The following RPL32 variants were observed in gnomAD, a reference collection of about 807,000 sequenced individuals.
The protein encoded by RPL32 is ribosomal protein L32, also known as large ribosomal subunit protein eL32.
For missense variants in RPL32, 117 were observed against 173.7 expected, an observed-to-expected ratio of 0.67 and a Z score of 1.83; for synonymous variants, 61 against 62.6, an observed-to-expected ratio of 0.98 and a Z score of 0.12.
chr3:12,837,220 T>C (rs1176072127), intron 3 of RPL32, among the ~76,000 whole-genome samples: 2 of 152,234 alleles, frequency 1.3e-5, no homozygotes, highest in African/African-American at 4.8e-5. Flanking sequence ...TTGGGCATTT[T>C]CCACACTACA....
intron 1 of RPL32, 149 bp from the exon 2 acceptor site, chr3:12,840,391 C>T (rs757538413): frequency 1.3e-5 from 10 of 756,478 alleles, no homozygotes; most frequent in African/African-American, 1.7e-5. Flanking sequence ...GGCTTGCTTT[C>T]CCTCCCTTTC....
At chr3:12,836,968 G>T (rs1400623238) in intron 3 of RPL32, among the ~76,000 whole-genome samples, 4 of 152,242 alleles carry the variant, frequency 2.6e-5, no homozygotes, top group Non-Finnish European at 4.4e-5. Context: ...TGGACACACA[G>T]CTCTTTTCAA....
intron 1 of RPL32, chr3:12,840,791 G>C (rs1448411904): frequency 7.5e-6 from 2 of 267,928 alleles, no homozygotes; most frequent in African/African-American, 4.4e-5. Context: ...CCTCAAACCT[G>C]GAGATCTTCC....
At position 12,836,083 on chromosome 3, in the gene RPL32, A is replaced by C; in HGVS notation, c.*11T>G. ...ACATTTATTTAAACAGAAAACGTGCACATGAGCTGCCTACTCATTTTCTTC... is the reference window on the plus strand; with the variant it reads ...ACATTTATTTAAACAGAAAACGTGCCCATGAGCTGCCTACTCATTTTCTTC... On this transcript the variant is annotated 3_prime_UTR_variant, in exon 4 of 4. Transcript: ENST00000429711. 6.2e-7 allele frequency: 1 copy of C among 1,610,990 alleles called. No homozygotes were observed. The highest frequency in any genetic ancestry group is 1.1e-5 in the South Asian group (1 of 91,032).
intron 3 of RPL32, 144 bp downstream of exon 3, chr3:12,839,205 C>G (rs1444766387): frequency 2.7e-6 from 2 of 727,914 alleles, no homozygotes; most frequent in Non-Finnish European, 4.7e-6. Flanking sequence ...TAAAATCCTG[C>G]AAGGAACAAC....
chr3:12,839,596 G>C, intron 2 of RPL32, 66 bp from the exon 3 acceptor site: 1 of 1,459,302 alleles, frequency 6.9e-7, no homozygotes, highest in South Asian at 1.1e-5. Flanking sequence ...TTTTGGGGAG[G>C]GAAAAAAAGG....
At position 12,834,999 on chromosome 3, in the gene RPL32, G is replaced by A. The variant is rs900671683; in HGVS notation, c.*1095C>T. On this transcript the variant is annotated 3_prime_UTR_variant, in exon 4 of 4. Transcript: ENST00000429711. ...CTAGGTTTTGAACAGGAGACAATCTGTAAGATTCCTGTCTAGACTAGAAGT... is the reference window on the plus strand; with the variant it reads ...CTAGGTTTTGAACAGGAGACAATCTATAAGATTCCTGTCTAGACTAGAAGT... 2 of 152,170 alleles carry A rather than the reference G, an allele frequency of 1.3e-5. No individual in the cohort carries two copies. Among genetic ancestry groups the A allele is most frequent in the African/African-American group, 4.8e-5 (2 of 41,434 alleles). 9.4% of individuals were successfully genotyped at this position (152,170 alleles called of 1,614,324 possible). A position where few individuals can be genotyped will look rare whatever the true frequency, so the allele number is the denominator to read the frequency against.
chr3:12,835,981 ATC>A lies in RPL32; in HGVS notation c.*111_*112del, dbSNP rs1292475779. On this transcript the variant is annotated 3_prime_UTR_variant, in exon 4 of 4. Transcript: ENST00000429711. ...CCAAAGGGGCTTAAGCAAAAGAACA[ATC>A]TCTGTGGCAAACTAAGTTGGCCAAG... The A allele has an allele frequency of 2.3e-6, 3 of 1,320,242 alleles. No homozygotes were observed. The highest frequency in any genetic ancestry group is 2.9e-5 in the African/African-American group (2 of 69,094). The allele number at this position is 1,320,242 out of a possible 1,614,324, so 81.8% of individuals were successfully genotyped here. A position where few individuals can be genotyped will look rare whatever the true frequency, so the allele number is the denominator to read the frequency against.
rs773408400 is a variant in RPL32 at position 12,840,240 on chromosome 3, T to C, written c.-3A>G. On this transcript the variant is annotated splice_region_variant and 5_prime_UTR_variant, in exon 2 of 4. Coordinates refer to ENST00000429711, the MANE Select transcript of RPL32 (RefSeq NM_000994.4). ...ACAAGGGGTCTGAGGGCGGCCATGA[T>C]GCCTTTTGGGGAAGAAGCGGCCCCA... The C allele has an allele frequency of 1.2e-6, 2 of 1,613,054 alleles. No homozygotes were observed. The highest frequency in any genetic ancestry group is 1.7e-6 in the Non-Finnish European group (2 of 1,179,180).
At chr3:12,839,551 G>C (rs764203795) in intron 2 of RPL32, 21 bp from the exon 3 acceptor site, 10 of 1,612,354 alleles carry the variant, frequency 6.2e-6, no homozygotes, top group Non-Finnish European at 6.8e-6. Context: ...TAATACACAG[G>C]TGGGTTAGCG....
At chr3:12,840,007 G>T in intron 2 of RPL32, 135 bp downstream of exon 2, 1 of 764,096 alleles carries the variant, frequency 1.3e-6, no homozygotes. Context: ...CACACTGGGG[G>T]AGACCTGTAT....
At chr3:12,837,770 T>G (rs2062110586) in intron 3 of RPL32, among the ~76,000 whole-genome samples, 1 of 152,256 alleles carries the variant, frequency 6.6e-6, no homozygotes. Flanking sequence ...CCATGTTCTT[T>G]CTAGTTTACT....
At chr3:12,837,687 T>A (rs2062110140) in intron 3 of RPL32, among the ~76,000 whole-genome samples, 1 of 152,264 alleles carries the variant, frequency 6.6e-6, no homozygotes, top group Admixed American at 6.5e-5. Flanking sequence ...TTATTACTTG[T>A]ATCTACAACC....
In RPL32 at chr3:12,835,920, G is replaced by A. The variant is rs2062095692; in HGVS notation, c.*174C>T. On this transcript the variant is annotated 3_prime_UTR_variant, in exon 4 of 4. Transcript: ENST00000429711. ...GGCCACATTCCCCTGTTCAAGGACT[G>A]AGTGTCCTTTACAAATCCCCTCCAA... The A allele has an allele frequency of 2.8e-6, 2 of 711,414 alleles. No individual in the cohort carries two copies. Among genetic ancestry groups the A allele is most frequent in the South Asian group, 1.8e-5 (1 of 54,120 alleles). 44.1% of individuals were successfully genotyped at this position (711,414 alleles called of 1,614,324 possible). A position where few individuals can be genotyped will look rare whatever the true frequency, so the allele number is the denominator to read the frequency against.
intron 3 of RPL32, among the ~76,000 whole-genome samples, chr3:12,837,619 C>G (rs2062109583): frequency 6.6e-6 from 1 of 152,196 alleles, no homozygotes; most frequent in Non-Finnish European, 1.5e-5. Flanking sequence ...ATTTCAACGC[C>G]TGGTTAAATT....
At position 12,836,278 on chromosome 3, in the gene RPL32, A is replaced by G. The variant is rs548246316; in HGVS notation, c.279-55T>C. 2.9e-4 allele frequency: 469 copies of G among 1,597,198 alleles called. 1 individual carries two copies. The highest frequency in any genetic ancestry group is 3.8e-4 in the Non-Finnish European group (451 of 1,178,162). ...AGACAGCCCTCAACACACTTGGAAAATTCCATTGGAGAGGCAATGAGTCCC... is the reference window on the plus strand; with the variant it reads ...AGACAGCCCTCAACACACTTGGAAAGTTCCATTGGAGAGGCAATGAGTCCC... On this transcript the variant is annotated intron_variant, in intron 3 of 3. Coordinates refer to ENST00000429711, the MANE Select transcript of RPL32 (RefSeq NM_000994.4).
intron 3 of RPL32, 147 bp downstream of exon 3, chr3:12,839,199 ATCC>A: frequency 1.4e-6 from 1 of 705,750 alleles, no homozygotes; most frequent in South Asian, 1.8e-5. Context: ...ATTCTCTAAA[ATCC>A]TGCAAGGAAC....
At position 12,839,700 on chromosome 3, in the gene RPL32, C is replaced by T. The variant is rs151156404; in HGVS notation, c.97-170G>A. ...TTTTTGGTGGGAAAAACCAGGAGCT[C>T]GTGGCTTTAGCCACTAGGGATGAAG... On this transcript the variant is annotated intron_variant, in intron 2 of 3. Transcript: ENST00000429711. The T allele has an allele frequency of 7.2e-3, 5,124 of 712,950 alleles. 24 individuals carry two copies. Among genetic ancestry groups the T allele is most frequent in the Non-Finnish European group, 0.01 (4,240 of 421,512 alleles). 44.2% of individuals were successfully genotyped at this position (712,950 alleles called of 1,614,324 possible). A position where few individuals can be genotyped will look rare whatever the true frequency, so the allele number is the denominator to read the frequency against.
At chr3:12,840,619 TG>T in intron 1 of RPL32, 1 of 429,458 alleles carries the variant, frequency 2.3e-6, no homozygotes, top group East Asian at 5.7e-5. Flanking sequence ...TACTTGAACC[TG>T]AGTCTTTTCC....
Sources: gnomAD v4.1 joint callset for allele counts (sites outside exome capture counted in the v4.1 genomes callset) on GRCh38, gnomAD v4.1.1 for gene constraint, MANE v1.5 for transcripts, NCBI Gene and HGNC (gene_info 2026-07-23, HGNC 2026-07-21) for gene names.